Variants in KAT2A observed in about 807,000 individuals in gnomAD.
KAT2A encodes histone acetyltransferase KAT2A.
Under a neutral mutation model 95.2 loss-of-function variants are expected in KAT2A, and 42 were observed. That is an observed-to-expected ratio of 0.44 (90% CI 0.34 to 0.57). KAT2A has a LOEUF of 0.57. Ranked by LOEUF, KAT2A falls within the 20% of genes least tolerant of loss-of-function variation. The pLI, the probability that KAT2A is intolerant of heterozygous loss-of-function variation, is 0.01. For synonymous variants in KAT2A, 449 were observed against 448.2 expected, an observed-to-expected ratio of 1.00 and a Z score of -0.02; for missense variants, 784 against 1,126.3, an observed-to-expected ratio of 0.70 and a Z score of 4.35.
At position 42,117,594 on chromosome 17, in the gene KAT2A, C is replaced by T. The variant is rs782412917; in HGVS notation, c.1431G>A (p.Thr477=). 129 of 1,611,646 alleles carry T rather than the reference C, an allele frequency of 8.0e-5. No homozygotes were observed. The highest frequency in any genetic ancestry group is 1.1e-4 in the Non-Finnish European group (126 of 1,179,100). The part of the protein sequence containing the change: ...TDPAAMLGPE[T]SLLSANAARD... Reference sequence around the variant, plus strand: ...GGGCCGCATTGGCCGAAAGCAGGCTCGTCTGGGCACAGAAGAGGGGTGGTG... The same window carrying T: ...GGGCCGCATTGGCCGAAAGCAGGCTTGTCTGGGCACAGAAGAGGGGTGGTG... Residue 477 remains threonine, a splice_region_variant and synonymous_variant, in exon 10 of 18, where the codon ACG becomes ACA. Coordinates refer to ENST00000225916, the MANE Select transcript of KAT2A (RefSeq NM_021078.3). This position sits in a 1 kb window ranked among gnomAD's most constrained non-coding sequence, Gnocchi z 8.9.
chr17:42,114,701 A>G lies in KAT2A; in HGVS notation c.2020-97T>C. 1 of 1,219,558 alleles carries G rather than the reference A, an allele frequency of 8.2e-7. No individual in the cohort carries two copies. Among genetic ancestry groups the G allele is most frequent in the Non-Finnish European group, 1.2e-6 (1 of 846,972 alleles). 75.5% of individuals were successfully genotyped at this position (1,219,558 alleles called of 1,614,324 possible). A position where few individuals can be genotyped will look rare whatever the true frequency, so the allele number is the denominator to read the frequency against. The stretch of plus-strand genomic sequence containing the variant: ...CCACTGGCTGCACCCACCCAGCTGC[A>G]ACGCCACCTAATCCAGCACCTCCCC... On this transcript the variant is annotated intron_variant, in intron 13 of 17. Coordinates refer to ENST00000225916, the MANE Select transcript of KAT2A (RefSeq NM_021078.3). This position sits in a 1 kb window ranked among gnomAD's most constrained non-coding sequence, Gnocchi z 6.0.
Position 42,119,384 on chromosome 17 carries a change from C to T in KAT2A, c.934G>A (p.Glu312Lys). The change falls in exon 6 of 18, where the codon GAA becomes AAA. Residue 312 changes from glutamate (E) to lysine (K), a missense_variant. This residue lies in a region of KAT2A where 208 missense variants were observed against 339.7 expected (regional missense o/e 0.61). Transcript: ENST00000225916. This position sits in a 1 kb window ranked among gnomAD's most constrained non-coding sequence, Gnocchi z 5.3. ...PQSCDSLPRYETTHVFGRSLL... is the reference protein window; with the variant it reads ...PQSCDSLPRYKTTHVFGRSLL... Reference sequence around the variant, plus strand: ...CTTCGCCCAAAGACATGAGTGGTTTCGTAGCGGGGGAGGCTATCACAGCTC... The same window carrying T: ...CTTCGCCCAAAGACATGAGTGGTTTTGTAGCGGGGGAGGCTATCACAGCTC... 6.2e-7 allele frequency: 1 copy of T among 1,613,792 alleles called. No homozygotes were observed. Among genetic ancestry groups the T allele is most frequent in the Non-Finnish European group, 8.5e-7 (1 of 1,179,822 alleles).
rs781905889 is a variant in KAT2A, at chr17:42,118,281, G to A, written c.1180+16C>T. 26 of 1,565,302 alleles carry A rather than the reference G, an allele frequency of 1.7e-5. No individual in the cohort carries two copies. Among genetic ancestry groups the A allele is most frequent in the Admixed American group, 3.3e-5 (2 of 59,960 alleles). ...AGGCAGGCCAGACACCCTACAGAGC[G>A]TACCATGGCACATACCTGGCCGGGG... On this transcript the variant is annotated intron_variant, in intron 7 of 17. Coordinates refer to ENST00000225916, the MANE Select transcript of KAT2A (RefSeq NM_021078.3).
chr17:42,115,096 C>T (rs1207839196), intron 12 of KAT2A, 61 bp from the exon 13 acceptor site: 2 of 1,566,066 alleles, frequency 1.3e-6, no homozygotes, highest in African/African-American at 2.7e-5. Context: ...TCTGTCGTCC[C>T]TCACCTGGGA....
Position 42,117,826 on chromosome 17 carries a change from G to A in KAT2A, c.1292-12C>T, listed in dbSNP as rs1555666364. On this transcript the variant is annotated splice_polypyrimidine_tract_variant and intron_variant, in intron 8 of 17. Transcript: ENST00000225916. The surrounding 1 kb of genome is among the most constrained non-coding windows in gnomAD (Gnocchi z 8.9). Reference sequence around the variant, plus strand: ...CGTCCTCTTCTCGCCTATTGGGGAGGCAGGCAAGGTTGCTCAGGATCAGTA... The same window carrying A: ...CGTCCTCTTCTCGCCTATTGGGGAGACAGGCAAGGTTGCTCAGGATCAGTA... 1.2e-6 allele frequency: 2 copies of A among 1,613,166 alleles called. No homozygotes were observed. Among genetic ancestry groups the A allele is most frequent in the East Asian group, 2.2e-5 (1 of 44,866 alleles).
chr17:42,115,713 T>C lies in KAT2A; in HGVS notation c.1875+10A>G. On this transcript the variant is annotated intron_variant, in intron 12 of 17. Transcript: ENST00000225916. Reference sequence around the variant, plus strand: ...GCAAAGGACCGGTGTGGGACGAGGCTACGGGTCACCTGCTTTTTGAAGTAG... The same window carrying C: ...GCAAAGGACCGGTGTGGGACGAGGCCACGGGTCACCTGCTTTTTGAAGTAG... The C allele has an allele frequency of 6.4e-7, 1 of 1,567,060 alleles. No homozygotes were observed. Among genetic ancestry groups the C allele is most frequent in the Non-Finnish European group, 8.8e-7 (1 of 1,137,200 alleles).
chr17:42,115,542 G>C (rs552532305), intron 12 of KAT2A, among the ~76,000 whole-genome samples, 181 bp downstream of exon 12: 35 of 151,698 alleles, frequency 2.3e-4, no homozygotes, highest in African/African-American at 8.2e-4. Context: ...GGCCCCACAG[G>C]CCCTCATTCT....
At chr17:42,118,237 C>A in intron 7 of KAT2A, 60 bp downstream of exon 7, 1 of 1,328,512 alleles carries the variant, frequency 7.5e-7, no homozygotes. Flanking sequence ...CTCTTCCACC[C>A]AGGAGGCTTA....
rs2054232495 is a variant in KAT2A at position 42,114,881 on chromosome 17, G to A, written c.2019+11C>T. On this transcript the variant is annotated intron_variant, in intron 13 of 17. Coordinates refer to ENST00000225916, the MANE Select transcript of KAT2A (RefSeq NM_021078.3). This position sits in a 1 kb window ranked among gnomAD's most constrained non-coding sequence, Gnocchi z 6.0. Reference sequence around the variant, plus strand: ...TGAAAAATCCCACAGATGCGCATGTGTGCACACCACCTCTTTCTGCTTCTT... The same window carrying A: ...TGAAAAATCCCACAGATGCGCATGTATGCACACCACCTCTTTCTGCTTCTT... 6.2e-7 allele frequency: 1 copy of A among 1,613,750 alleles called. No homozygotes were observed. The highest frequency in any genetic ancestry group is 8.5e-7 in the Non-Finnish European group (1 of 1,179,886).
In KAT2A at chr17:42,114,655, C is replaced by G; in HGVS notation, c.2020-51G>C. On this transcript the variant is annotated intron_variant, in intron 13 of 17. Transcript: ENST00000225916. This position sits in a 1 kb window ranked among gnomAD's most constrained non-coding sequence, Gnocchi z 6.0. ...CCAACTCCAGCCCCAACAACAACCC[C>G]TCCCAGGGCCACAGTCGGAGCCACT... is the stretch of plus-strand genomic sequence containing the variant. The G allele has an allele frequency of 6.6e-7, 1 of 1,510,500 alleles. No individual in the cohort carries two copies. Among genetic ancestry groups the G allele is most frequent in the Non-Finnish European group, 9.1e-7 (1 of 1,092,950 alleles). 93.6% of individuals were successfully genotyped at this position (1,510,500 alleles called of 1,614,324 possible). A position where few individuals can be genotyped will look rare whatever the true frequency, so the allele number is the denominator to read the frequency against.
chr17:42,113,991 G>A lies in KAT2A; in HGVS notation c.2320+9C>T. On this transcript the variant is annotated intron_variant, in intron 17 of 17. Transcript: ENST00000225916. The stretch of plus-strand genomic sequence containing the variant: ...GAGGAGGGAAGGGGATGGAATGGAA[G>A]GTCCTCACCAATGGGGAAGCGGATG... The A allele has an allele frequency of 1.3e-6, 2 of 1,509,158 alleles. No homozygotes were observed. Among genetic ancestry groups the A allele is most frequent in the Non-Finnish European group, 1.8e-6 (2 of 1,131,714 alleles). 93.5% of individuals were successfully genotyped at this position (1,509,158 alleles called of 1,614,324 possible). A position where few individuals can be genotyped will look rare whatever the true frequency, so the allele number is the denominator to read the frequency against.
chr17:42,115,060 A>T, intron 12 of KAT2A, 25 bp from the exon 13 acceptor site: 1 of 1,611,018 alleles, frequency 6.2e-7, no homozygotes, highest in Non-Finnish European at 8.5e-7. Context: ...GTCATGACCC[A>T]GTCCATCCAT....
intron 11 of KAT2A, among the ~76,000 whole-genome samples, chr17:42,116,493 G>C (rs1598230140): frequency 6.6e-6 from 1 of 152,198 alleles, no homozygotes. Flanking sequence ...CGAGGTGGGT[G>C]AATCACTTAA....
intron 7 of KAT2A, 71 bp from the exon 8 acceptor site, chr17:42,118,088 G>A (rs2054286995): frequency 9.7e-7 from 1 of 1,032,520 alleles, no homozygotes; most frequent in Admixed American, 2.3e-5. Flanking sequence ...TCAGGGACGG[G>A]GGCTGAAGCT....
In KAT2A at chr17:42,117,346, T is replaced by A; in HGVS notation, c.1637+42A>T. 1 of 1,599,358 alleles carries A rather than the reference T, an allele frequency of 6.3e-7. No homozygotes were observed. The highest frequency in any genetic ancestry group is 8.6e-7 in the Non-Finnish European group (1 of 1,168,338). ...TGAAGAGGCCGAGGAGGAAGGGAAC[T>A]GGGTGTGCTGCCCTGGGGGAGGGGC... On this transcript the variant is annotated intron_variant, in intron 10 of 17. Coordinates refer to ENST00000225916, the MANE Select transcript of KAT2A (RefSeq NM_021078.3). The surrounding 1 kb of genome is among the most constrained non-coding windows in gnomAD (Gnocchi z 8.9).
Position 42,119,807 on chromosome 17 carries a change from C to T in KAT2A, c.700-89G>A. The T allele has an allele frequency of 8.2e-7, 1 of 1,213,720 alleles. No individual in the cohort carries two copies. Among genetic ancestry groups the T allele is most frequent in the Non-Finnish European group, 1.2e-6 (1 of 868,966 alleles). 75.2% of individuals were successfully genotyped at this position (1,213,720 alleles called of 1,614,324 possible). A position where few individuals can be genotyped will look rare whatever the true frequency, so the allele number is the denominator to read the frequency against. On this transcript the variant is annotated intron_variant, in intron 4 of 17. Coordinates refer to ENST00000225916, the MANE Select transcript of KAT2A (RefSeq NM_021078.3). The surrounding 1 kb of genome is among the most constrained non-coding windows in gnomAD (Gnocchi z 5.3). ...TAGACAAAGGAAGATGCTCCCTGGC[C>T]AGGGACAAGGTTCTCCTTCTCCTCT...
chr17:42,115,919 G>T, intron 11 of KAT2A, 86 bp from the exon 12 acceptor site: 1 of 805,364 alleles, frequency 1.2e-6, no homozygotes, highest in South Asian at 1.3e-5. Flanking sequence ...AGAGCGGGTA[G>T]ATTGGAAAGG....
chr17:42,120,560 C>A, intron 2 of KAT2A, 146 bp downstream of exon 2: 1 of 1,240,402 alleles, frequency 8.1e-7, no homozygotes, highest in Non-Finnish European at 1.1e-6. Context: ...TTCCTTTCTC[C>A]CCCCTTGGTG....
intron 7 of KAT2A, 134 bp downstream of exon 7, chr17:42,118,163 T>TG (rs1332265985): frequency 3.2e-5 from 20 of 616,038 alleles, no homozygotes; most frequent in African/African-American, 4.2e-5. Context: ...AGGCAGGGAC[T>TG]GGGGGGGCTG....
Sources: gnomAD v4.1 joint callset for allele counts (sites outside exome capture counted in the v4.1 genomes callset) on GRCh38, gnomAD v4.1.1 for gene constraint, gnomAD v4.1.1 regional missense constraint, Gnocchi (gnomAD v3.1) non-coding constraint, MANE v1.5 for transcripts, NCBI Gene and HGNC (gene_info 2026-07-23, HGNC 2026-07-21) for gene names.